Variants in CLNK observed in about 807,000 individuals in gnomAD.
CLNK encodes cytokine dependent hematopoietic cell linker.
Under a neutral mutation model 68.6 loss-of-function variants are expected in CLNK, and 74 were observed. The observed-to-expected ratio is 1.08, with a 90% CI of 0.89 to 1.31. The LOEUF (loss-of-function observed/expected upper bound fraction) is 1.31. CLNK is among the 50% of genes most tolerant of loss of function. CLNK has a pLI of 0.00. For synonymous variants in CLNK, 198 were observed against 172.2 expected, an observed-to-expected ratio of 1.15 and a Z score of -1.17; for missense variants, 553 against 515.3, an observed-to-expected ratio of 1.07 and a Z score of -0.71.
At chr4:10,533,206 G>A (rs1577111452) in intron 11 of CLNK, among the ~76,000 whole-genome samples, 1 of 152,224 alleles carries the variant, frequency 6.6e-6, no homozygotes, top group East Asian at 1.9e-4. Flanking sequence ...ATTGCTGTGA[G>A]CTGAGATCAT....
intron 1 of CLNK, among the ~76,000 whole-genome samples, chr4:10,674,179 A>G (rs981753149): frequency 1.3e-5 from 2 of 152,046 alleles, no homozygotes; most frequent in Non-Finnish European, 2.9e-5. Flanking sequence ...ACCACACCCT[A>G]CTTTCAGGGA....
At chr4:10,660,963 G>A (rs537486799) in intron 2 of CLNK, among the ~76,000 whole-genome samples, 6 of 152,306 alleles carry the variant, frequency 3.9e-5, no homozygotes, top group African/African-American at 4.8e-5. Context: ...GACAGACCCA[G>A]TTGGCCCGAG....
At chr4:10,543,949 G>A (rs1415595299) in intron 8 of CLNK, among the ~76,000 whole-genome samples, 2 of 152,096 alleles carry the variant, frequency 1.3e-5, no homozygotes, top group South Asian at 2.1e-4. Context: ...CTATTTCAAG[G>A]AAATCACAAA....
chr4:10,685,531 G>A (rs139985194), upstream of CLNK, among the ~76,000 whole-genome samples: 1,152 of 152,154 alleles, frequency 7.6e-3, 9 homozygotes, highest in Non-Finnish European at 0.013. Context: ...TGATCTTGCC[G>A]AGTGCCTGTT....
At chr4:10,631,027 A>C (rs1466150583) in intron 2 of CLNK, among the ~76,000 whole-genome samples, 1 of 143,868 alleles carries the variant, frequency 7.0e-6, no homozygotes, top group Admixed American at 6.9e-5. Context: ...GCCACAGACC[A>C]ATGGCACCAA....
chr4:10,659,505 T>C (rs1458143861), intron 2 of CLNK, among the ~76,000 whole-genome samples: 2 of 152,262 alleles, frequency 1.3e-5, no homozygotes, highest in African/African-American at 4.8e-5. Context: ...GCTATACTTC[T>C]ATTGAAGTAT....
intron 4 of CLNK, among the ~76,000 whole-genome samples, chr4:10,578,080 T>C (rs572092454): frequency 1.7e-4 from 26 of 152,276 alleles, no homozygotes; most frequent in Non-Finnish European, 3.5e-4. Context: ...TACCCCCAAA[T>C]GGCTGTTGAG....
chr4:10,524,747 G>A (rs915435749), intron 14 of CLNK, among the ~76,000 whole-genome samples: 11 of 152,130 alleles, frequency 7.2e-5, no homozygotes, highest in Middle Eastern at 3.2e-3. Flanking sequence ...GATTCATTAA[G>A]CTTTAAGCTG....
chr4:10,528,355 G>A (rs539577452), intron 12 of CLNK, among the ~76,000 whole-genome samples: 103 of 152,300 alleles, frequency 6.8e-4, no homozygotes, highest in African/African-American at 2.5e-3. Context: ...CTTTTAGAAA[G>A]GAATTTACCA....
At chr4:10,689,104 TGC>T (rs1725372720), upstream of CLNK, among the ~76,000 whole-genome samples, 2 of 152,076 alleles carry the variant, frequency 1.3e-5, no homozygotes, top group African/African-American at 4.8e-5. Context: ...TCGCTGTTTT[TGC>T]TATCTAAGGT....
chr4:10,490,764 G>T (rs1306275517), intron 18 of CLNK, among the ~76,000 whole-genome samples, 151 bp from the exon 19 acceptor site: 1 of 151,986 alleles, frequency 6.6e-6, no homozygotes, highest in Non-Finnish European at 1.5e-5. Context: ...AGTGGTTTTT[G>T]GTTTGTTTGT....
intron 2 of CLNK, among the ~76,000 whole-genome samples, chr4:10,645,140 C>T (rs914292113): frequency 1.3e-5 from 2 of 152,196 alleles, no homozygotes; most frequent in African/African-American, 2.4e-5. Context: ...CCCTGATCTC[C>T]TTCCTCTCTG....
At chr4:10,597,816 C>T (rs990011785) in intron 3 of CLNK, among the ~76,000 whole-genome samples, 162 bp downstream of exon 3, 3 of 152,180 alleles carry the variant, frequency 2.0e-5, no homozygotes, top group African/African-American at 7.2e-5. Context: ...GCTGCTCAAC[C>T]CCAGCCAATC....
chr4:10,613,710 G>A (rs924372776), intron 2 of CLNK, among the ~76,000 whole-genome samples: 1 of 152,192 alleles, frequency 6.6e-6, no homozygotes, highest in Non-Finnish European at 1.5e-5. Context: ...GCAGGAGATG[G>A]AACAGGGTGG....
chr4:10,706,369 T>C, the CLNK span, among the ~76,000 whole-genome samples: 5 of 152,272 alleles, frequency 3.3e-5, no homozygotes, highest in Admixed American at 2.0e-4. Context: ...CAGGCTTTGT[T>C]TCTATGTTAA....
chr4:10,682,868 C>T (rs1444772670), intron 1 of CLNK, among the ~76,000 whole-genome samples: 3 of 152,074 alleles, frequency 2.0e-5, no homozygotes, highest in Non-Finnish European at 1.5e-5. Flanking sequence ...TGGAATATTA[C>T]CATTCTCTAA....
chr4:10,667,036 C>T (rs1724427426), intron 2 of CLNK, among the ~76,000 whole-genome samples: 2 of 152,312 alleles, frequency 1.3e-5, no homozygotes, highest in South Asian at 4.1e-4. Flanking sequence ...CAGTCCTCCT[C>T]CCTGAGTCAG....
At chr4:10,551,034 G>A (rs1417017278) in intron 8 of CLNK, among the ~76,000 whole-genome samples, 1 of 152,188 alleles carries the variant, frequency 6.6e-6, no homozygotes, top group Admixed American at 6.5e-5. Context: ...ATTCGAGTGA[G>A]ACTGCTCAGG....
chr4:10,561,803 A>G (rs1402808313), intron 7 of CLNK, among the ~76,000 whole-genome samples: 2 of 151,968 alleles, frequency 1.3e-5, no homozygotes, highest in Non-Finnish European at 2.9e-5. Context: ...CAGACCGAGA[A>G]AGTCTTTTTT....
Sources: allele counts gnomAD v4.1 joint callset (sites outside exome capture counted in the v4.1 genomes callset), GRCh38; gene constraint gnomAD v4.1.1; transcripts MANE v1.5; gene names NCBI Gene and HGNC (gene_info 2026-07-23, HGNC 2026-07-21).